Variants in EYS observed in about 807,000 individuals in gnomAD.
EYS encodes the protein protein eyes shut homolog.
Under a neutral mutation model 282.1 loss-of-function variants are expected in EYS, and 250 were observed. That is an observed-to-expected ratio of 0.89 (90% CI 0.80 to 0.98). The LOEUF (loss-of-function observed/expected upper bound fraction) is 0.98, where lower values mean the gene tolerates loss of function less well. EYS is among the 50% of genes least tolerant of loss of function. The pLI is 0.00. For missense variants in EYS, 4,016 were observed against 3,709.0 expected (o/e 1.08, Z -2.15); for synonymous variants, 1,355 against 1,282.9 (o/e 1.06, Z -1.20).
At chr6:64,021,192 C>A (rs749604975) in intron 33 of EYS, among the ~76,000 whole-genome samples, 1 of 151,756 alleles carries the variant, frequency 6.6e-6, no homozygotes, top group Non-Finnish European at 1.5e-5. Context: ...TGCTTAGTAG[C>A]TTTGCTGCTG....
intron 30 of EYS, among the ~76,000 whole-genome samples, chr6:64,272,981 G>A (rs1767992254): frequency 2.0e-5 from 3 of 151,916 alleles, no homozygotes; most frequent in Admixed American, 1.3e-4. Context: ...TTCCCTTAAT[G>A]TTTTTGTATT....
intron 26 of EYS, among the ~76,000 whole-genome samples, chr6:64,497,628 T>C (rs902160181): frequency 6.6e-6 from 1 of 152,030 alleles, no homozygotes; most frequent in Non-Finnish European, 1.5e-5. Context: ...TATACTAAAC[T>C]GATGTGTATG....
intron 12 of EYS, among the ~76,000 whole-genome samples, chr6:65,252,105 T>G (rs1473367786): frequency 1.3e-5 from 2 of 152,028 alleles, no homozygotes; most frequent in East Asian, 3.9e-4. Flanking sequence ...CAGATGGGGA[T>G]GCAGTCATGG....
At chr6:64,587,873 C>A (rs942534298) in intron 26 of EYS, among the ~76,000 whole-genome samples, 3 of 151,882 alleles carry the variant, frequency 2.0e-5, no homozygotes, top group African/African-American at 7.3e-5. Context: ...AGAAGCTGAC[C>A]CGCATGTATA....
At chr6:64,368,078 G>C (rs758831147) in intron 29 of EYS, among the ~76,000 whole-genome samples, 1 of 151,948 alleles carries the variant, frequency 6.6e-6, no homozygotes, top group Non-Finnish European at 1.5e-5. Context: ...GTAGTTTTTC[G>C]ATCCTCAACC....
intron 29 of EYS, among the ~76,000 whole-genome samples, chr6:64,367,154 T>G (rs970234544): frequency 6.6e-6 from 1 of 152,036 alleles, no homozygotes; most frequent in East Asian, 1.9e-4. Flanking sequence ...AGATTTAAGG[T>G]GGCATTTCCT....
At chr6:64,533,847 A>T (rs1033841614) in intron 26 of EYS, among the ~76,000 whole-genome samples, 3 of 151,880 alleles carry the variant, frequency 2.0e-5, no homozygotes, top group African/African-American at 4.8e-5. Context: ...GCATATGCAT[A>T]TGTATTTAAC....
chr6:65,215,327 T>C (rs1395089605), intron 12 of EYS, among the ~76,000 whole-genome samples: 1 of 152,094 alleles, frequency 6.6e-6, no homozygotes, highest in East Asian at 1.9e-4. Context: ...TTATGAATCA[T>C]TTTAAGGTGT....
At chr6:65,095,903 C>G (rs1233658457) in intron 12 of EYS, among the ~76,000 whole-genome samples, 2 of 151,054 alleles carry the variant, frequency 1.3e-5, no homozygotes, top group Non-Finnish European at 3.0e-5. Context: ...GAGAATCGCA[C>G]TCTCACAACT....
chr6:63,848,290 T>C lies in EYS; in HGVS notation c.7228+15896A>G, dbSNP rs544835988. 4.6e-5 allele frequency among the ~76,000 whole-genome samples: 7 copies of C among 152,250 alleles called. No homozygotes were observed. The East Asian group carries it at 1.4e-3, about 29-fold the overall frequency. On this transcript the variant is annotated intron_variant, in intron 36 of 42. Coordinates refer to ENST00000503581, the MANE Select transcript of EYS (RefSeq NM_001142800.2). ...AATCTTTTCCACATCTCTGTTAGTA[T>C]GAGCTTAGAGAATTTAAGTAAACTT...
chr6:64,521,705 A>G (rs1012632833), intron 26 of EYS, among the ~76,000 whole-genome samples: 2 of 151,728 alleles, frequency 1.3e-5, no homozygotes, highest in Non-Finnish European at 2.9e-5. Flanking sequence ...AGCACATCTA[A>G]TTTGGCACTT....
At chr6:64,877,614 C>T (rs1750503830) in intron 19 of EYS, among the ~76,000 whole-genome samples, 1 of 152,024 alleles carries the variant, frequency 6.6e-6, no homozygotes, top group Non-Finnish European at 1.5e-5. Flanking sequence ...AATATGACCA[C>T]AATGTGGAAA....
At chr6:64,261,951 T>C (rs1419885789) in intron 30 of EYS, among the ~76,000 whole-genome samples, 1 of 152,012 alleles carries the variant, frequency 6.6e-6, no homozygotes, top group East Asian at 1.9e-4. Context: ...AGAAGGTTTT[T>C]TGCCATGCTG....
intron 35 of EYS, among the ~76,000 whole-genome samples, chr6:63,938,627 T>C (rs1437321335): frequency 1.3e-5 from 2 of 152,268 alleles, no homozygotes; most frequent in African/African-American, 4.8e-5. Flanking sequence ...CTATAAACTT[T>C]TGACTTAATT....
chr6:65,545,334 T>C lies in EYS; in HGVS notation c.-332-49341A>G, dbSNP rs116595720. 6.3e-3 allele frequency among the ~76,000 whole-genome samples: 957 copies of C among 152,138 alleles called. 11 individuals carry two copies. The highest frequency in any genetic ancestry group is 0.022 in the African/African-American group (900 of 41,538). ...TGACTGGTTGTGAATAGGTGCTTGG[T>C]TTAGTACTACAGATTTTAAATTAGT... On this transcript the variant is annotated intron_variant, in intron 2 of 42. Coordinates refer to ENST00000503581, the MANE Select transcript of EYS (RefSeq NM_001142800.2).
chr6:65,585,569 T>G (rs1359106119), intron 2 of EYS, among the ~76,000 whole-genome samples: 1 of 151,972 alleles, frequency 6.6e-6, no homozygotes, highest in African/African-American at 2.4e-5. Flanking sequence ...TACAATGCAA[T>G]TCAGTATATT....
rs77150006 is a variant in EYS at position 65,094,618 on chromosome 6, C to A, written c.2024-36891G>T. Among the ~76,000 whole-genome samples, 694 of 150,894 alleles carry A rather than the reference C, an allele frequency of 4.6e-3. 5 individuals carry two copies. The highest frequency in any genetic ancestry group is 0.016 in the African/African-American group (657 of 41,350). ...GTAAGTAAATGATACAATCTTGAAC[C>A]TACAATGGTCAAAAAAGAAATCAAA... is the stretch of plus-strand genomic sequence containing the variant. On this transcript the variant is annotated intron_variant, in intron 12 of 42. Coordinates refer to ENST00000503581, the MANE Select transcript of EYS (RefSeq NM_001142800.2).
chr6:65,410,768 T>A (rs77302160), intron 5 of EYS, among the ~76,000 whole-genome samples: 3,076 of 151,898 alleles, frequency 0.02, 94 homozygotes, highest in African/African-American at 0.071. Flanking sequence ...CAGCATGATT[T>A]ATAATAGCCA....
At chr6:65,648,224 A>G (rs1014433270) in intron 1 of EYS, among the ~76,000 whole-genome samples, 1 of 152,146 alleles carries the variant, frequency 6.6e-6, no homozygotes, top group African/African-American at 2.4e-5. Context: ...AGATACTTGC[A>G]CGCACATGTT....
Sources: gnomAD v4.1 joint callset for allele counts (sites outside exome capture counted in the v4.1 genomes callset) on GRCh38, gnomAD v4.1.1 for gene constraint, MANE v1.5 for transcripts, NCBI Gene and HGNC (gene_info 2026-07-23, HGNC 2026-07-21) for gene names.